Variants in IQSEC1 observed in about 807,000 individuals in gnomAD.
The protein encoded by IQSEC1 is IQ motif and Sec7 domain ArfGEF 1, also known as IQ motif and SEC7 domain-containing protein 1.
IQSEC1 carries 31 observed loss-of-function variants against 91.0 expected under a neutral mutation model. The observed-to-expected ratio is 0.34, with a 90% confidence interval of 0.26 to 0.46. The LOEUF (loss-of-function observed/expected upper bound fraction) is 0.46, where lower values mean the gene tolerates loss of function less well. Ranked by LOEUF, IQSEC1 falls within the 20% of genes least tolerant of loss-of-function variation. The pLI is 1.00. For synonymous variants in IQSEC1, 699 were observed against 662.6 expected (o/e 1.05, Z -0.84); for missense variants, 1,388 against 1,575.6 (o/e 0.88, Z 2.02).
chr3:13,147,736 G>A (rs771960955), intron 2 of IQSEC1, among the ~76,000 whole-genome samples: 12 of 152,186 alleles, frequency 7.9e-5, no homozygotes, highest in South Asian at 2.1e-4. Flanking sequence ...AGGTTCAAGC[G>A]ATCCTCCTGC....
intron 2 of IQSEC1, among the ~76,000 whole-genome samples, chr3:13,096,522 A>T (rs547664701): frequency 6.6e-6 from 1 of 152,244 alleles, no homozygotes; most frequent in African/African-American, 2.4e-5. Flanking sequence ...CTGACTTAGC[A>T]TTGGGAAGAC....
intron 1 of IQSEC1, among the ~76,000 whole-genome samples, chr3:13,172,174 C>T (rs1367766549): frequency 2.6e-5 from 4 of 152,216 alleles, no homozygotes; most frequent in Admixed American, 6.5e-5. Context: ...GTGACACTTT[C>T]TTCTTCCCTC....
At chr3:13,017,066 T>C (rs1403163714) in intron 1 of IQSEC1, among the ~76,000 whole-genome samples, 1 of 152,228 alleles carries the variant, frequency 6.6e-6, no homozygotes, top group Non-Finnish European at 1.5e-5. Flanking sequence ...TTCATTTCTT[T>C]TTGTGGCTGA....
intron 1 of IQSEC1, among the ~76,000 whole-genome samples, chr3:13,067,475 G>A (rs541838580): frequency 1.3e-5 from 2 of 152,368 alleles, no homozygotes; most frequent in South Asian, 4.1e-4. Context: ...CAGGCTGGGG[G>A]CAGCCATGCC....
intron 1 of IQSEC1, among the ~76,000 whole-genome samples, chr3:12,946,974 C>T (rs1342779837): frequency 6.6e-6 from 1 of 152,216 alleles, no homozygotes; most frequent in Admixed American, 6.5e-5. Context: ...AAGCCTCAGC[C>T]TCCTTCCAAC....
chr3:12,925,932 T>C (rs1357585383), intron 3 of IQSEC1, among the ~76,000 whole-genome samples: 1 of 152,206 alleles, frequency 6.6e-6, no homozygotes, highest in African/African-American at 2.4e-5. Context: ...GGCAGGCCCC[T>C]TCTCCCTTGG....
chr3:13,079,106 T>A (rs1199176382), intron 2 of IQSEC1, among the ~76,000 whole-genome samples: 1 of 152,134 alleles, frequency 6.6e-6, no homozygotes, highest in Non-Finnish European at 1.5e-5. Flanking sequence ...GATGTTGGGG[T>A]GCCAGACAGG....
intron 1 of IQSEC1, among the ~76,000 whole-genome samples, chr3:13,204,295 A>C (rs1576294035): frequency 6.6e-6 from 1 of 152,384 alleles, no homozygotes; most frequent in South Asian, 2.1e-4. Context: ...GGGTGGATTC[A>C]AATGAGCGCT....
intron 1 of IQSEC1, among the ~76,000 whole-genome samples, chr3:13,256,767 CG>C (rs1559287767): frequency 1.3e-5 from 2 of 152,160 alleles, no homozygotes; most frequent in Non-Finnish European, 2.9e-5. Context: ...CTGGAGGACC[CG>C]TCAGGTGGCA....
chr3:13,066,578 C>T (rs1026349799), intron 1 of IQSEC1, among the ~76,000 whole-genome samples: 2 of 152,238 alleles, frequency 1.3e-5, no homozygotes, highest in Non-Finnish European at 2.9e-5. Context: ...GCCTTCCAGG[C>T]AGGGCTGGGC....
intron 2 of IQSEC1, among the ~76,000 whole-genome samples, chr3:13,163,931 C>T (rs1156834826): frequency 6.6e-6 from 1 of 152,202 alleles, no homozygotes; most frequent in Admixed American, 6.5e-5. Context: ...AACAGACGTG[C>T]TCTGCAGATC....
rs757765224 is a variant in IQSEC1 at position 12,920,605 on chromosome 3, C to T, written c.1854-9G>A. Reference sequence around the variant, plus strand: ...AGATGCAGTAGCGCTGGCTGCGGGCCGGGAGGGAGGGGGTCAGGGCCATGG... The same window carrying T: ...AGATGCAGTAGCGCTGGCTGCGGGCTGGGAGGGAGGGGGTCAGGGCCATGG... On this transcript the variant is annotated splice_polypyrimidine_tract_variant and intron_variant, in intron 5 of 13. Transcript: ENST00000613206. The T allele has an allele frequency of 2.5e-6, 4 of 1,613,508 alleles. No homozygotes were observed. The highest frequency in any genetic ancestry group is 3.4e-6 in the Non-Finnish European group (4 of 1,179,806).
chr3:13,154,406 T>C (rs357163), intron 2 of IQSEC1, among the ~76,000 whole-genome samples: 31,009 of 103,670 alleles, frequency 0.3, 5,446 homozygotes, highest in East Asian at 0.52. Context: ...CTGCCTGACA[T>C]GGAAACACAC....
chr3:12,923,298 C>T (rs1403746409), intron 4 of IQSEC1, among the ~76,000 whole-genome samples: 2 of 152,062 alleles, frequency 1.3e-5, no homozygotes, highest in African/African-American at 4.8e-5. Flanking sequence ...GTCGGGGCAG[C>T]ATAGGAATGG....
intron 2 of IQSEC1, among the ~76,000 whole-genome samples, chr3:13,144,751 A>G (rs1420041536): frequency 6.6e-6 from 1 of 152,236 alleles, no homozygotes; most frequent in Non-Finnish European, 1.5e-5. Flanking sequence ...TCCACAGCCC[A>G]GCACCTGGAG....
chr3:12,923,474 C>G (rs945736720), intron 4 of IQSEC1, among the ~76,000 whole-genome samples: 1 of 152,224 alleles, frequency 6.6e-6, no homozygotes, highest in Non-Finnish European at 1.5e-5. Context: ...CCAGCCTGTG[C>G]ATGCTTGGCA....
At chr3:13,261,388 C>T (rs6788266) in intron 1 of IQSEC1, among the ~76,000 whole-genome samples, 1 of 152,222 alleles carries the variant, frequency 6.6e-6, no homozygotes, top group Non-Finnish European at 1.5e-5. Flanking sequence ...TATGGGAGGC[C>T]TCTGCAGAGA....
At chr3:13,044,153 A>C (rs576133080) in intron 1 of IQSEC1, among the ~76,000 whole-genome samples, 26 of 152,328 alleles carry the variant, frequency 1.7e-4, no homozygotes, top group Non-Finnish European at 1.0e-4. Flanking sequence ...GCATTTTCTC[A>C]GTGTCATTAG....
intron 2 of IQSEC1, among the ~76,000 whole-genome samples, chr3:13,162,763 C>CCCT (rs1576277751): frequency 6.6e-6 from 1 of 152,160 alleles, no homozygotes; most frequent in Non-Finnish European, 1.5e-5. Flanking sequence ...GGGCAGTCTC[C>CCCT]CCTCCTCCTC....
Sources: gnomAD v4.1 joint callset for allele counts (sites outside exome capture counted in the v4.1 genomes callset) on GRCh38, gnomAD v4.1.1 for gene constraint, MANE v1.5 for transcripts, NCBI Gene and HGNC (gene_info 2026-07-23, HGNC 2026-07-21) for gene names.